CLCA4: variants seen among roughly 807,000 people sequenced by gnomAD.
The protein encoded by CLCA4 is calcium-activated chloride channel regulator 4.
A neutral mutation model predicts 78.9 loss-of-function variants in CLCA4; 69 were observed. The ratio of observed to expected loss-of-function variants is 0.87; its 90% CI spans 0.72 to 1.07. CLCA4 has a LOEUF of 1.07. Among genes scored for constraint, CLCA4 ranks in the 50% least tolerant of loss-of-function variants. The pLI is 0.00. For missense variants in CLCA4, 1,133 were observed against 1,095.8 expected, an observed-to-expected ratio of 1.03 and a Z score of -0.48; for synonymous variants, 362 against 375.8, an observed-to-expected ratio of 0.96 and a Z score of 0.42.
At chr1:86,549,061 T>C (rs529604558) in intron 1 of CLCA4, among the ~76,000 whole-genome samples, 5 of 152,300 alleles carry the variant, frequency 3.3e-5, no homozygotes, top group South Asian at 4.1e-4. Context: ...TTCAGAGATA[T>C]AGTTAATAAG....
At chr1:86,569,701 A>G (rs1650292744) in intron 7 of CLCA4, among the ~76,000 whole-genome samples, 1 of 152,018 alleles carries the variant, frequency 6.6e-6, no homozygotes, top group Non-Finnish European at 1.5e-5. Context: ...CTCTTGAACT[A>G]TAGAATATTC....
intron 3 of CLCA4, among the ~76,000 whole-genome samples, chr1:86,560,970 C>A (rs1032813486): frequency 6.6e-6 from 1 of 152,042 alleles, no homozygotes; most frequent in Admixed American, 6.6e-5. Context: ...GACAAAAATG[C>A]AAATCATTGT....
intron 1 of CLCA4, among the ~76,000 whole-genome samples, chr1:86,550,385 C>T (rs1649618201): frequency 1.3e-5 from 2 of 152,144 alleles, no homozygotes; most frequent in Admixed American, 6.5e-5. Context: ...TCAGACATCA[C>T]TATTTGAAAG....
chr1:86,552,705 C>A, intron 1 of CLCA4: 1 of 1,333,316 alleles, frequency 7.5e-7, no homozygotes, highest in Non-Finnish European at 1.1e-6. Context: ...GTGACCGGAG[C>A]CAAGCCCTCG....
In CLCA4 at chr1:86,579,581, G is replaced by A; in HGVS notation, c.2350G>A (p.Gly784Arg). 1 of 1,600,958 alleles carries A rather than the reference G, an allele frequency of 6.2e-7. No individual in the cohort carries two copies. Among genetic ancestry groups the A allele is most frequent in the South Asian group, 1.1e-5 (1 of 90,878 alleles). ...AGCACCAGGAGATAATTTTGATGTT[G>A]GAAAAGGTAAGGATGAAGTGTCATG... ...WTAPGDNFDV[G>R]KVQRYIIRIS... Residue 784 changes from glycine (G) to arginine (R), a missense_variant, in exon 13 of 14, where the codon GGA becomes AGA. Transcript: ENST00000370563.
chr1:86,554,290 C>T (rs1322579744), intron 1 of CLCA4, among the ~76,000 whole-genome samples: 2 of 152,202 alleles, frequency 1.3e-5, no homozygotes, highest in East Asian at 3.8e-4. Context: ...TAATAGCCTA[C>T]AGCTCCACCC....
rs1223148890 is a variant in CLCA4, at chr1:86,580,752, A to ACC, written c.*407_*408insCC. ...GAGCAAATAAACAACATTTGGAAAA[A>ACC]AATGAATTTGGTGTTGGTATTATTA... On this transcript the variant is annotated 3_prime_UTR_variant, in exon 14 of 14. Coordinates refer to ENST00000370563, the MANE Select transcript of CLCA4 (RefSeq NM_012128.4). The ACC allele has an allele frequency of 1.3e-5, 2 of 156,656 alleles. No individual in the cohort carries two copies. Among genetic ancestry groups the ACC allele is most frequent in the African/African-American group, 4.8e-5 (2 of 41,582 alleles). The allele number at this position is 156,656 out of a possible 1,614,324, so 9.7% of individuals were successfully genotyped here.
At chr1:86,553,171 G>A in intron 1 of CLCA4, 1 of 1,109,206 alleles carries the variant, frequency 9.0e-7, no homozygotes, top group Non-Finnish European at 1.4e-6. Flanking sequence ...AGGATTGAGC[G>A]GCACAGGTTG....
At chr1:86,552,502 C>G in intron 1 of CLCA4, 2 of 502,566 alleles carry the variant, frequency 4.0e-6, no homozygotes, top group South Asian at 4.9e-5. Context: ...TGGGATTTCT[C>G]AGAATCAGCA....
At chr1:86,567,183 ACT>A (rs1314238241) in intron 6 of CLCA4, among the ~76,000 whole-genome samples, 8 of 152,026 alleles carry the variant, frequency 5.3e-5, no homozygotes, top group Admixed American at 4.6e-4. Flanking sequence ...TTACTTGGAT[ACT>A]CAGTGGTCAA....
intron 1 of CLCA4, chr1:86,553,029 C>T: frequency 7.9e-6 from 5 of 633,524 alleles, no homozygotes; most frequent in Non-Finnish European, 8.5e-6. Context: ...CCCCCTCCTG[C>T]TCCCACGCCG....
In CLCA4 at chr1:86,580,048, C is replaced by T; in HGVS notation, c.2463C>T (p.Asn821=). 1.2e-6 allele frequency: 2 copies of T among 1,612,914 alleles called. No individual in the cohort carries two copies. Among genetic ancestry groups the T allele is most frequent in the Middle Eastern group, 1.7e-4 (1 of 6,046 alleles). Reference sequence around the variant, plus strand: ...CTGATCTGTCACCAAAGGAGGCCAACTCCAAGGAAAGCTTTGCATTTAAAC... The same window carrying T: ...CTGATCTGTCACCAAAGGAGGCCAATTCCAAGGAAAGCTTTGCATTTAAAC... ...NTTDLSPKEA[N]SKESFAFKPE... The change falls in exon 14 of 14, where the codon AAC becomes AAT. Residue 821 remains asparagine (N), a synonymous_variant. Coordinates refer to ENST00000370563, the MANE Select transcript of CLCA4 (RefSeq NM_012128.4).
Position 86,578,302 on chromosome 1 carries a change from T to C in CLCA4, c.2122+230T>C, listed in dbSNP as rs561125686. On this transcript the variant is annotated intron_variant, in intron 12 of 13. Transcript: ENST00000370563. ...TCAAAAAAGGTCAATTATTCTTATT[T>C]TTTTTAACTTTCAGTTTAGGTTTGA... Among the ~76,000 whole-genome samples, 46 of 152,202 alleles carry C rather than the reference T, an allele frequency of 3.0e-4. 1 individual carries two copies. In the East Asian group the frequency reaches 8.5e-3, roughly 28 times the overall value.
In CLCA4 at chr1:86,574,726, G is replaced by T; in HGVS notation, c.1654G>T (p.Ala552Ser). The T allele has an allele frequency of 6.2e-7, 1 of 1,613,030 alleles. No individual in the cohort carries two copies. The highest frequency in any genetic ancestry group is 8.5e-7 in the Non-Finnish European group (1 of 1,179,386). The change falls in exon 10 of 14, where the codon GCC becomes TCC. Residue 552 changes from alanine to serine, a missense_variant. By Grantham distance (99) the Ala-to-Ser change is moderately conservative. Coordinates refer to ENST00000370563, the MANE Select transcript of CLCA4 (RefSeq NM_012128.4). ...CACAGTGGATGCAACTTCCAAAATG[G>T]CCTATCTCAGTATTCCAGGAACTGC... Reference protein sequence around the residue: ...NFTVDATSKMAYLSIPGTAKV... With the variant: ...NFTVDATSKMSYLSIPGTAKV...
At chr1:86,570,544 C>A (rs774232970) in intron 7 of CLCA4, among the ~76,000 whole-genome samples, 42 of 152,036 alleles carry the variant, frequency 2.8e-4, no homozygotes, top group Non-Finnish European at 4.7e-4. Flanking sequence ...AGTTGCATAA[C>A]AAAGTCCCTA....
intron 3 of CLCA4, among the ~76,000 whole-genome samples, chr1:86,561,598 C>T (rs756626525): frequency 6.6e-6 from 1 of 152,122 alleles, no homozygotes; most frequent in Admixed American, 6.6e-5. Context: ...TCAAGATCTC[C>T]AGGCACTCTT....
intron 7 of CLCA4, 75 bp downstream of exon 7, chr1:86,567,726 A>G: frequency 1.7e-6 from 2 of 1,162,204 alleles, no homozygotes; most frequent in Non-Finnish European, 2.5e-6. Context: ...GGTACTGCAC[A>G]TGCTTGCTTG....
At chr1:86,555,402 G>T (rs988258178) in intron 1 of CLCA4, among the ~76,000 whole-genome samples, 3 of 152,162 alleles carry the variant, frequency 2.0e-5, no homozygotes, top group Admixed American at 2.0e-4. Flanking sequence ...AAGGGATCCA[G>T]CTTCAATCTG....
rs545160581 is a variant in CLCA4, at chr1:86,550,110, C to T, written c.159+2832C>T. On this transcript the variant is annotated intron_variant, in intron 1 of 13. Coordinates refer to ENST00000370563, the MANE Select transcript of CLCA4 (RefSeq NM_012128.4). Reference sequence around the variant, plus strand: ...GTGTTCTGCTGCTTATGGTTGGACCCTTCTGCATGTTTTAATTACCCAGCA... The same window carrying T: ...GTGTTCTGCTGCTTATGGTTGGACCTTTCTGCATGTTTTAATTACCCAGCA... Among the ~76,000 whole-genome samples the T allele has an allele frequency of 9.2e-5, 14 of 152,270 alleles. No individual in the cohort carries two copies. In the East Asian group the frequency reaches 2.7e-3, roughly 29 times the overall value.
Sources: allele counts gnomAD v4.1 joint callset (sites outside exome capture counted in the v4.1 genomes callset), GRCh38; gene constraint gnomAD v4.1.1; transcripts MANE v1.5; gene names NCBI Gene and HGNC (gene_info 2026-07-23, HGNC 2026-07-21).